Variants in RABL6 observed in about 807,000 individuals in gnomAD.
The protein encoded by RABL6 is rab-like protein 6.
RABL6 carries 28 observed loss-of-function variants against 72.9 expected under a neutral mutation model. That is an observed-to-expected ratio of 0.38 (90% CI 0.28 to 0.53). The LOEUF (loss-of-function observed/expected upper bound fraction) is 0.53. Among genes scored for constraint, RABL6 ranks in the 20% least tolerant of loss-of-function variants. The probability of loss-of-function intolerance (pLI) is 0.80; values close to 1 mark genes in which losing one functional copy is unlikely to be tolerated. For synonymous variants in RABL6, 477 were observed against 421.2 expected (o/e 1.13, Z -1.62); for missense variants, 1,029 against 1,008.4 (o/e 1.02, Z -0.28).
intron 1 of RABL6, chr9:136,821,469 G>A (rs1848235437): frequency 1.0e-6 from 1 of 985,294 alleles, no homozygotes; most frequent in South Asian, 4.7e-5. Flanking sequence ...CGGGACGGAC[G>A]TGGATGGCGC....
intron 2 of RABL6, among the ~76,000 whole-genome samples, chr9:136,824,882 T>C (rs1283225597): frequency 6.6e-6 from 1 of 152,158 alleles, no homozygotes. Context: ...CTCTTCCTGG[T>C]TTGGGGTGAG....
In RABL6 at chr9:136,841,051, C is replaced by T. The variant is rs1848688384; in HGVS notation, c.*529C>T. Reference sequence around the variant, plus strand: ...CGAGACCGAAGGCAGCATGTGAGGCCTCTCCTGGGAGTGGGGGTTGTGTTT... The same window carrying T: ...CGAGACCGAAGGCAGCATGTGAGGCTTCTCCTGGGAGTGGGGGTTGTGTTT... On this transcript the variant is annotated 3_prime_UTR_variant, in exon 15 of 15. Coordinates refer to ENST00000311502, the MANE Select transcript of RABL6 (RefSeq NM_024718.5). The T allele has an allele frequency of 7.0e-7, 1 of 1,422,606 alleles. No homozygotes were observed. The highest frequency in any genetic ancestry group is 1.5e-5 in the South Asian group (1 of 64,520). 88.1% of individuals were successfully genotyped at this position (1,422,606 alleles called of 1,614,324 possible). A position where few individuals can be genotyped will look rare whatever the true frequency, so the allele number is the denominator to read the frequency against.
At chr9:136,832,860 C>T (rs1417557707) in intron 7 of RABL6, 3 of 318,584 alleles carry the variant, frequency 9.4e-6, no homozygotes, top group Non-Finnish European at 1.2e-5. Context: ...GGCCTACGGA[C>T]TAAACTCACT....
Position 136,837,521 on chromosome 9 carries a change from C to T in RABL6, c.985C>T (p.Pro329Ser). ...PAPQLPLNAA[P>S]PSSVPPVPPS... ...CCCACAGCTGCCCCTCAATGCCGCCCCACCATCCTCTGTGCCCCCTGTACC... is the reference window on the plus strand; with the variant it reads ...CCCACAGCTGCCCCTCAATGCCGCCTCACCATCCTCTGTGCCCCCTGTACC... Residue 329 changes from proline to serine, a missense_variant, in exon 9 of 15, where the codon CCA becomes TCA. Physicochemically the swap from Pro to Ser is moderately conservative, Grantham distance 74. Transcript: ENST00000311502. 1 of 1,544,204 alleles carries T rather than the reference C, an allele frequency of 6.5e-7. No homozygotes were observed. Among genetic ancestry groups the T allele is most frequent in the South Asian group, 1.2e-5 (1 of 84,132 alleles).
intron 8 of RABL6, chr9:136,836,285 G>A (rs1487083325): frequency 6.0e-6 from 1 of 166,246 alleles, no homozygotes; most frequent in Non-Finnish European, 1.3e-5. Context: ...GGGCGGCTCA[G>A]AGCATCCTCC....
At chr9:136,837,707 G>C (rs1253275955) in intron 9 of RABL6, 45 bp downstream of exon 9, 1 of 1,548,482 alleles carries the variant, frequency 6.5e-7, no homozygotes, top group Non-Finnish European at 8.7e-7. Context: ...CAGACCCCCA[G>C]GCCCTCACAG....
intron 1 of RABL6, among the ~76,000 whole-genome samples, chr9:136,820,557 T>G (rs1848215675): frequency 6.6e-6 from 1 of 151,996 alleles, no homozygotes; most frequent in Admixed American, 6.6e-5. Flanking sequence ...TTTTAGTAGA[T>G]ACGGGGTTTC....
At chr9:136,829,018 C>G (rs1019364381) in intron 4 of RABL6, among the ~76,000 whole-genome samples, 3 of 152,238 alleles carry the variant, frequency 2.0e-5, no homozygotes, top group African/African-American at 7.2e-5. Context: ...AGCACTGCAG[C>G]TAACCCTGTT....
chr9:136,835,902 T>A, intron 8 of RABL6, 57 bp downstream of exon 8: 2 of 1,462,692 alleles, frequency 1.4e-6, no homozygotes, highest in Non-Finnish European at 1.9e-6. Context: ...GTGGCCGTGG[T>A]GCAGGGCCAT....
intron 1 of RABL6, among the ~76,000 whole-genome samples, chr9:136,820,874 C>T (rs948383673): frequency 2.6e-5 from 4 of 152,146 alleles, no homozygotes; most frequent in African/African-American, 9.7e-5. Context: ...GCCAAGACGT[C>T]CTTCAGTAGA....
chr9:136,810,298 G>A (rs754758241), intron 1 of RABL6, among the ~76,000 whole-genome samples: 1 of 152,142 alleles, frequency 6.6e-6, no homozygotes, highest in Non-Finnish European at 1.5e-5. Flanking sequence ...GTGTGGTCCT[G>A]GGCGAGTGTG....
rs1036135509 is a variant in RABL6 at position 136,840,484 on chromosome 9, G to A, written c.2152G>A (p.Gly718Ser). Reference protein sequence around the residue: ...EAFLGGGAPGGRHPGGGDYEE... With the variant: ...EAFLGGGAPGSRHPGGGDYEE... ...TTTCCTGGGGGGCGGGGCCCCGGGC[G>A]GCCGCCACCCTGGGGGTGGCGACTA... is the stretch of plus-strand genomic sequence containing the variant. The change falls in exon 15 of 15, where the codon GGC (glycine) becomes AGC (serine). Residue 718 changes from glycine to serine, a missense_variant. Coordinates refer to ENST00000311502, the MANE Select transcript of RABL6 (RefSeq NM_024718.5). 2.6e-5 allele frequency: 40 copies of A among 1,525,768 alleles called. No individual in the cohort carries two copies. Among genetic ancestry groups the A allele is most frequent in the East Asian group, 4.9e-5 (2 of 40,620 alleles). The allele number at this position is 1,525,768 out of a possible 1,614,324, so 94.5% of individuals were successfully genotyped here.
intron 1 of RABL6, among the ~76,000 whole-genome samples, chr9:136,822,948 C>T (rs575705313): frequency 2.1e-4 from 32 of 151,320 alleles, no homozygotes; most frequent in Admixed American, 2.0e-3. Context: ...ATTAGCTGGA[C>T]ATGGTGGCGG....
chr9:136,818,796 G>A (rs909600690), intron 1 of RABL6, among the ~76,000 whole-genome samples: 2 of 151,960 alleles, frequency 1.3e-5, no homozygotes, highest in South Asian at 2.1e-4. Context: ...AATCAGTGGT[G>A]ATCATGATTT....
chr9:136,827,925 T>C (rs1361781201), intron 3 of RABL6: 1 of 152,810 alleles, frequency 6.5e-6, no homozygotes, highest in Non-Finnish European at 1.5e-5. Context: ...AGAGCCATGG[T>C]GACCTTGATG....
At chr9:136,833,555 C>T in intron 7 of RABL6, 2 of 944,718 alleles carry the variant, frequency 2.1e-6, no homozygotes, top group South Asian at 3.4e-5. Context: ...CCTGAATCTC[C>T]TCACCCTGGG....
intron 7 of RABL6, chr9:136,835,448 C>T (rs573481503): frequency 2.7e-5 from 9 of 334,960 alleles, no homozygotes; most frequent in South Asian, 5.1e-5. Flanking sequence ...CTTAGAGGTG[C>T]GTGTGTGGGT....
intron 10 of RABL6, among the ~76,000 whole-genome samples, chr9:136,838,617 C>A (rs368972878): frequency 6.6e-6 from 1 of 152,258 alleles, no homozygotes; most frequent in Non-Finnish European, 1.5e-5. Flanking sequence ...CAGAAAGCCC[C>A]GTGGCCCTGA....
At chr9:136,813,927 C>T in intron 1 of RABL6, 1 of 351,344 alleles carries the variant, frequency 2.8e-6, no homozygotes, top group Non-Finnish European at 5.6e-6. Context: ...CCAGCCAAAA[C>T]ACTTGTAATT....
Sources: gnomAD v4.1 joint callset for allele counts (sites outside exome capture counted in the v4.1 genomes callset) on GRCh38, gnomAD v4.1.1 for gene constraint, MANE v1.5 for transcripts, NCBI Gene and HGNC (gene_info 2026-07-23, HGNC 2026-07-21) for gene names.